The following TSNAX variants were observed in gnomAD, a reference collection of about 807,000 sequenced individuals.
TSNAX encodes translin associated factor X.
A neutral mutation model predicts 33.0 loss-of-function variants in TSNAX; 12 were observed. The observed-to-expected ratio is 0.36, with a 90% CI of 0.23 to 0.59. The LOEUF (loss-of-function observed/expected upper bound fraction) is 0.59, where lower values mean the gene tolerates loss of function less well. Ranked by LOEUF, TSNAX falls within the 20% of genes least tolerant of loss-of-function variation. The probability of loss-of-function intolerance (pLI) is 0.74; values close to 1 mark genes in which losing one functional copy is unlikely to be tolerated. For missense variants in TSNAX, 267 were observed against 341.3 expected, an observed-to-expected ratio of 0.78 and a Z score of 1.72; for synonymous variants, 110 against 117.2, an observed-to-expected ratio of 0.94 and a Z score of 0.40.
intron 4 of TSNAX, among the ~76,000 whole-genome samples, chr1:231,551,256 C>T (rs960359449): frequency 6.6e-6 from 1 of 152,098 alleles, no homozygotes; most frequent in African/African-American, 2.4e-5. Context: ...AGAAGATCCC[C>T]AGATTGGTCT....
At chr1:231,545,695 C>T (rs1659861814) in intron 4 of TSNAX, among the ~76,000 whole-genome samples, 1 of 152,020 alleles carries the variant, frequency 6.6e-6, no homozygotes, top group African/African-American at 2.4e-5. Context: ...TTTCGGTACA[C>T]AAAACTAAGT....
At chr1:231,539,936 G>A (rs1184084344) in intron 3 of TSNAX, among the ~76,000 whole-genome samples, 2 of 152,184 alleles carry the variant, frequency 1.3e-5, no homozygotes, top group Non-Finnish European at 2.9e-5. Context: ...TGTAATCCCA[G>A]CACTTTGGGA....
At chr1:231,556,361 G>GA (rs1031114935) in intron 4 of TSNAX, among the ~76,000 whole-genome samples, 38 of 151,030 alleles carry the variant, frequency 2.5e-4, no homozygotes, top group South Asian at 8.4e-4. Context: ...ACTGAAATAT[G>GA]AAAAAAAAAG....
At chr1:231,542,381 A>G in intron 3 of TSNAX, 100 bp from the exon 4 acceptor site, 1 of 1,233,742 alleles carries the variant, frequency 8.1e-7, no homozygotes, top group Non-Finnish European at 1.1e-6. Context: ...AAGTATATGA[A>G]TGCATACAAT....
At chr1:231,537,110 C>T (rs558014069) in intron 2 of TSNAX, 103 bp from the exon 3 acceptor site, 10 of 768,336 alleles carry the variant, frequency 1.3e-5, no homozygotes, top group East Asian at 3.2e-5. Context: ...AGATTACAGG[C>T]GTGAGCCACC....
intron 5 of TSNAX, among the ~76,000 whole-genome samples, chr1:231,564,299 A>C (rs931174835): frequency 2.0e-5 from 3 of 152,226 alleles, no homozygotes; most frequent in Non-Finnish European, 4.4e-5. Flanking sequence ...AGTATCTTGA[A>C]GTCATCTGGT....
rs1661447601 is a variant in TSNAX, at chr1:231,566,514, T to C, written c.*1609T>C. The C allele has an allele frequency of 6.6e-6, 1 of 152,156 alleles. No individual in the cohort carries two copies. The highest frequency in any genetic ancestry group is 2.1e-4 in the South Asian group (1 of 4,830). The allele number at this position is 152,156 out of a possible 1,614,324, so 9.4% of individuals were successfully genotyped here. ...ACCTAAAGAAAATAAAACATGGACA[T>C]GCCTAGTAAATTCTGTTTTTTTGTT... On this transcript the variant is annotated 3_prime_UTR_variant, in exon 6 of 6. Coordinates refer to ENST00000366639, the MANE Select transcript of TSNAX (RefSeq NM_005999.3).
At chr1:231,556,903 T>C (rs1382426542) in intron 4 of TSNAX, among the ~76,000 whole-genome samples, 1 of 151,880 alleles carries the variant, frequency 6.6e-6, no homozygotes, top group Non-Finnish European at 1.5e-5. Flanking sequence ...CATGGTCTTA[T>C]AAGCCACGTT....
At chr1:231,533,462 G>A (rs1263092194) in intron 2 of TSNAX, among the ~76,000 whole-genome samples, 1 of 152,168 alleles carries the variant, frequency 6.6e-6, no homozygotes, top group Non-Finnish European at 1.5e-5. Context: ...AGTATAGTTT[G>A]TTCAACTCAA....
At position 231,565,771 on chromosome 1, in the gene TSNAX, T is replaced by C. The variant is rs1033360100; in HGVS notation, c.*866T>C. 6.6e-6 allele frequency: 1 copy of C among 152,126 alleles called. No individual in the cohort carries two copies. The highest frequency in any genetic ancestry group is 2.1e-4 in the South Asian group (1 of 4,828). The allele number at this position is 152,126 out of a possible 1,614,324, so 9.4% of individuals were successfully genotyped here. A position where few individuals can be genotyped will look rare whatever the true frequency, so the allele number is the denominator to read the frequency against. The stretch of plus-strand genomic sequence containing the variant: ...GAAAGTACAAGTTTATAAAGTATTA[T>C]AGTGAAAAATTCGCATTCTGGCTGA... On this transcript the variant is annotated 3_prime_UTR_variant, in exon 6 of 6. Coordinates refer to ENST00000366639, the MANE Select transcript of TSNAX (RefSeq NM_005999.3).
chr1:231,537,269 A>T lies in TSNAX; in HGVS notation c.178A>T (p.Ser60Cys). ...CAAATATGAGAGACTTGTGAAACTT[A>T]GTCGGGATATAACTGTTGAAAGTAA... ...HDKYERLVKLSRDITVESKRT... is the reference protein window; with the variant it reads ...HDKYERLVKLCRDITVESKRT... The change falls in exon 3 of 6, where the codon AGT (serine) becomes TGT (cysteine). Residue 60 changes from serine (S) to cysteine (C), a missense_variant. Coordinates refer to ENST00000366639, the MANE Select transcript of TSNAX (RefSeq NM_005999.3). 6.2e-7 allele frequency: 1 copy of T among 1,613,822 alleles called. No homozygotes were observed. The highest frequency in any genetic ancestry group is 8.5e-7 in the Non-Finnish European group (1 of 1,179,896).
At position 231,542,602 on chromosome 1, in the gene TSNAX, A is replaced by G; in HGVS notation, c.358A>G (p.Ile120Val). Residue 120 changes from isoleucine (I) to valine (V), a missense_variant, in exon 4 of 6, where the codon ATT (isoleucine) becomes GTT (valine). Around this residue, in one of 2 missense-constraint regions of TSNAX, gnomAD observed 200 missense variants for 214.1 expected, o/e 0.93. Transcript: ENST00000366639. The part of the protein sequence containing the change: ...GEDMHQFHRA[I>V]TTGLQEYVEA... ...AGATATGCATCAGTTCCATCGAGCC[A>G]TTACTACAGGTAAGTCTAGGTTTGT... 1 of 1,613,850 alleles carries G rather than the reference A, an allele frequency of 6.2e-7. No homozygotes were observed. The highest frequency in any genetic ancestry group is 8.5e-7 in the Non-Finnish European group (1 of 1,179,882).
At chr1:231,555,715 G>T (rs1410308032) in intron 4 of TSNAX, among the ~76,000 whole-genome samples, 1 of 152,138 alleles carries the variant, frequency 6.6e-6, no homozygotes, top group Non-Finnish European at 1.5e-5. Context: ...TTACTGTATT[G>T]CAGTATTTGG....
At chr1:231,561,300 A>C (rs1661099859) in intron 5 of TSNAX, 45 bp downstream of exon 5, 1 of 1,383,018 alleles carries the variant, frequency 7.2e-7, no homozygotes, top group Admixed American at 2.1e-5. Flanking sequence ...TAATTTATGT[A>C]ACAGTATGAC....
In TSNAX at chr1:231,549,109, A is replaced by G. The variant is rs555955939; in HGVS notation, c.367+6498A>G. On this transcript the variant is annotated intron_variant, in intron 4 of 5. Transcript: ENST00000366639. The stretch of plus-strand genomic sequence containing the variant: ...TTCCATTTTCCTGTCATGTGCTGAG[A>G]AAAGGGGATGTGGTGGGGAAATGGT... Among the ~76,000 whole-genome samples, 12 of 152,196 alleles carry G rather than the reference A, an allele frequency of 7.9e-5. No homozygotes were observed. The South Asian group carries it at 2.5e-3, about 32-fold the overall frequency.
chr1:231,530,666 G>C (rs925263095), intron 2 of TSNAX, among the ~76,000 whole-genome samples: 1 of 150,704 alleles, frequency 6.6e-6, no homozygotes, highest in Non-Finnish European at 1.5e-5. Context: ...AGCCGAGATC[G>C]TGCCACTGCA....
rs1453235595 is a variant in TSNAX at position 231,529,251 on chromosome 1, T to TA, written c.17-2dup. The TA allele has an allele frequency of 6.2e-7, 1 of 1,613,404 alleles. No homozygotes were observed. Among genetic ancestry groups the TA allele is most frequent in the Non-Finnish European group, 8.5e-7 (1 of 1,179,752 alleles). ...TCCCTCTCTTTTTTTCTTCTCTATA[T>TA]AAGGATCAGGAGGGTTCAGGAAAAG... On this transcript the variant is annotated splice_region_variant and splice_polypyrimidine_tract_variant and intron_variant, in intron 1 of 5. Coordinates refer to ENST00000366639, the MANE Select transcript of TSNAX (RefSeq NM_005999.3).
At chr1:231,560,907 G>A (rs78256743) in intron 4 of TSNAX, among the ~76,000 whole-genome samples, 2,409 of 150,986 alleles carry the variant, frequency 0.016, 69 homozygotes, top group African/African-American at 0.056. Context: ...TGATCCACCC[G>A]CCTTGGCCTT....
chr1:231,563,660 T>G (rs1661253382), intron 5 of TSNAX: 1 of 152,156 alleles, frequency 6.6e-6, no homozygotes, highest in African/African-American at 2.4e-5. Context: ...AAATTTTTTT[T>G]TTTTTTTTTT....
Sources: gnomAD v4.1 joint callset for allele counts (sites outside exome capture counted in the v4.1 genomes callset) on GRCh38, gnomAD v4.1.1 for gene constraint, gnomAD v4.1.1 regional missense constraint, MANE v1.5 for transcripts, NCBI Gene and HGNC (gene_info 2026-07-23, HGNC 2026-07-21) for gene names.